The following ADK variants were observed in gnomAD, a reference collection of about 807,000 sequenced individuals.
ADK encodes the protein adenosine kinase.
A neutral mutation model predicts 44.7 loss-of-function variants in ADK; 24 were observed. The ratio of observed to expected loss-of-function variants is 0.54; its 90% CI spans 0.39 to 0.76. The LOEUF (loss-of-function observed/expected upper bound fraction) is 0.76, where lower values mean the gene tolerates loss of function less well. ADK is among the 30% of genes least tolerant of loss of function. ADK has a pLI of 0.00. For missense variants in ADK, 321 were observed against 425.1 expected (o/e 0.76, Z 2.15); for synonymous variants, 128 against 142.6 (o/e 0.90, Z 0.73).
intron 1 of ADK, among the ~76,000 whole-genome samples, chr10:74,164,496 A>C (rs962755195): frequency 2.6e-5 from 4 of 152,212 alleles, no homozygotes; most frequent in Non-Finnish European, 5.9e-5. Context: ...AGATTGCTCC[A>C]CTGCACCACA....
At chr10:74,272,312 C>G (rs1286398331) in intron 3 of ADK, among the ~76,000 whole-genome samples, 1 of 151,750 alleles carries the variant, frequency 6.6e-6, no homozygotes, top group African/African-American at 2.4e-5. Context: ...GGGTCTCACT[C>G]TGTCATCTAG....
chr10:74,223,461 G>A (rs1444603714), intron 2 of ADK, among the ~76,000 whole-genome samples: 5 of 152,212 alleles, frequency 3.3e-5, no homozygotes, highest in Non-Finnish European at 5.9e-5. Context: ...GGGTTTAAAG[G>A]TACTTGTGAA....
At chr10:74,482,205 TG>T (rs1288868584) in intron 6 of ADK, among the ~76,000 whole-genome samples, 1 of 152,168 alleles carries the variant, frequency 6.6e-6, no homozygotes, top group Non-Finnish European at 1.5e-5. Flanking sequence ...GAAATGTGGC[TG>T]GGGAGGCCTC....
At chr10:74,480,224 TTC>T (rs60378876) in intron 6 of ADK, among the ~76,000 whole-genome samples, 2,899 of 146,800 alleles carry the variant, frequency 0.02, 81 homozygotes, top group African/African-American at 0.062. Context: ...CTTTCTTTCT[TTC>T]TTTTTTTTTT....
At chr10:74,274,189 CAT>C (rs1846562875) in intron 3 of ADK, among the ~76,000 whole-genome samples, 1 of 152,158 alleles carries the variant, frequency 6.6e-6, no homozygotes. Flanking sequence ...CTACCAGTAA[CAT>C]AGTCTATAAA....
chr10:74,204,656 A>G (rs1168036014), intron 2 of ADK, among the ~76,000 whole-genome samples: 1 of 152,214 alleles, frequency 6.6e-6, no homozygotes, highest in Non-Finnish European at 1.5e-5. Flanking sequence ...AGAAAATACT[A>G]CTATATACAG....
intron 7 of ADK, among the ~76,000 whole-genome samples, chr10:74,583,922 C>T (rs1472063722): frequency 6.6e-6 from 1 of 152,174 alleles, no homozygotes; most frequent in Non-Finnish European, 1.5e-5. Flanking sequence ...CAGATCCTCA[C>T]TGGTTATTGA....
rs1856679742 is a variant in ADK at position 74,708,336 on chromosome 10, T to G, written c.980T>G (p.Leu327Arg). ...TGTGTTCTAGGTTTTCTGTCTCAAC[T>G]GGTCTCTGACAAGCCTCTGACTGAA... ...DAFVGGFLSQ[L>R]VSDKPLTECI... The change falls in exon 11 of 11, where the codon CTG (leucine) becomes CGG (arginine). Residue 327 changes from leucine (L) to arginine (R), a missense_variant. Physicochemically the swap from Leu to Arg is moderately radical, Grantham distance 102. Transcript: ENST00000539909. 1 of 1,611,508 alleles carries G rather than the reference T, an allele frequency of 6.2e-7. No individual in the cohort carries two copies. The highest frequency in any genetic ancestry group is 8.5e-7 in the Non-Finnish European group (1 of 1,179,198).
chr10:74,627,493 T>C (rs1044187670), intron 9 of ADK, among the ~76,000 whole-genome samples: 21 of 151,810 alleles, frequency 1.4e-4, no homozygotes, highest in Admixed American at 1.3e-3. Context: ...AAAAAAGCTT[T>C]CTTTCGAAAT....
At chr10:74,205,966 G>T (rs899141762) in intron 2 of ADK, among the ~76,000 whole-genome samples, 3 of 152,242 alleles carry the variant, frequency 2.0e-5, no homozygotes, top group Admixed American at 6.5e-5. Flanking sequence ...ACAGTTTATT[G>T]TATGTCAGTT....
At chr10:74,328,877 C>T (rs1841111826) in intron 4 of ADK, among the ~76,000 whole-genome samples, 1 of 151,748 alleles carries the variant, frequency 6.6e-6, no homozygotes, top group South Asian at 2.1e-4. Context: ...AGATTTTTCT[C>T]AGCTCTGTGG....
intron 8 of ADK, among the ~76,000 whole-genome samples, chr10:74,596,240 GTGC>G (rs1340276881): frequency 2.0e-5 from 3 of 152,064 alleles, no homozygotes; most frequent in Admixed American, 1.3e-4. Flanking sequence ...CAGACTGTGG[GTGC>G]TAGTCTGTTC....
rs1363295440 is a variant in ADK, at chr10:74,656,108, A to G, written c.878-14075A>G. On this transcript the variant is annotated intron_variant, in intron 9 of 10. Transcript: ENST00000539909. ...AACTTCTGTGTTCCCCCGATTTTGA[A>G]TCCCTCTTGGATCACAAACACTGGT... 1.6e-5 allele frequency: 6 copies of G among 386,696 alleles called. No homozygotes were observed. The Admixed American group carries it at 1.8e-4, about 12-fold the overall frequency. The allele number at this position is 386,696 out of a possible 1,614,324, so 24.0% of individuals were successfully genotyped here.
chr10:74,355,366 G>A (rs1842098664), intron 4 of ADK, among the ~76,000 whole-genome samples: 1 of 152,192 alleles, frequency 6.6e-6, no homozygotes, highest in South Asian at 2.1e-4. Flanking sequence ...ATAATGAAAT[G>A]ACCCAAAGGG....
At chr10:74,525,748 G>A (rs1248210120) in intron 7 of ADK, among the ~76,000 whole-genome samples, 2 of 151,814 alleles carry the variant, frequency 1.3e-5, no homozygotes, top group Non-Finnish European at 2.9e-5. Flanking sequence ...TCTCCTTCCC[G>A]GGTTCAAGCA....
At chr10:74,415,943 T>C (rs532604155) in intron 6 of ADK, among the ~76,000 whole-genome samples, 2 of 151,964 alleles carry the variant, frequency 1.3e-5, no homozygotes, top group African/African-American at 2.4e-5. Flanking sequence ...TATTTCTCTA[T>C]TGCAAGTGTT....
intron 10 of ADK, among the ~76,000 whole-genome samples, chr10:74,686,006 G>C (rs1013075015): frequency 2.6e-5 from 4 of 152,004 alleles, no homozygotes; most frequent in African/African-American, 9.7e-5. Context: ...CTGTTGCTTA[G>C]GCTGGAGTGC....
intron 10 of ADK, among the ~76,000 whole-genome samples, chr10:74,690,467 A>C (rs888096464): frequency 6.6e-6 from 1 of 152,198 alleles, no homozygotes; most frequent in African/African-American, 2.4e-5. Context: ...CTGTTCTCCA[A>C]CCTGGGTGAT....
intron 3 of ADK, among the ~76,000 whole-genome samples, chr10:74,267,715 G>GT (rs1846261107): frequency 6.6e-6 from 1 of 150,378 alleles, no homozygotes; most frequent in Non-Finnish European, 1.5e-5. Context: ...ATCTTCTAGA[G>GT]GTAGGGTACT....
Sources: allele counts gnomAD v4.1 joint callset (sites outside exome capture counted in the v4.1 genomes callset), GRCh38; gene constraint gnomAD v4.1.1; transcripts MANE v1.5; gene names NCBI Gene and HGNC (gene_info 2026-07-23, HGNC 2026-07-21).